Variants in METTL15 observed in about 807,000 individuals in gnomAD.
METTL15 encodes 12S rRNA N(4)-cytidine methyltransferase METTL15.
Under a neutral mutation model 38.3 loss-of-function variants are expected in METTL15, and 34 were observed. That is an observed-to-expected ratio of 0.89 (90% CI 0.68 to 1.18). The LOEUF (loss-of-function observed/expected upper bound fraction) is 1.18, where lower values mean the gene tolerates loss of function less well. Ranked by LOEUF, METTL15 falls within the 50% of genes most tolerant of loss-of-function variation. METTL15 has a pLI of 0.00. For missense variants in METTL15, 438 were observed against 498.4 expected (o/e 0.88, Z 1.15); for synonymous variants, 162 against 170.9 (o/e 0.95, Z 0.41).
At chr11:28,328,769 G>A (rs1371812595) in intron 6 of METTL15, among the ~76,000 whole-genome samples, 3 of 151,982 alleles carry the variant, frequency 2.0e-5, no homozygotes, top group Admixed American at 2.0e-4. Context: ...AAGTAGATGG[G>A]ACATACCTGT....
rs181494431 is a variant in METTL15 at position 28,242,408 on chromosome 11, A to G, written c.407+31210A>G. 5.4e-3 allele frequency among the ~76,000 whole-genome samples: 827 copies of G among 152,290 alleles called. 6 individuals are homozygous for G. Among genetic ancestry groups the G allele is most frequent in the Admixed American group, 0.01 (154 of 15,306 alleles). Reference sequence around the variant, plus strand: ...AGCCCAAATGCATGGTTAGTATGCAAAAATTATTGAGCATGAACTAAAGGG... The same window carrying G: ...AGCCCAAATGCATGGTTAGTATGCAGAAATTATTGAGCATGAACTAAAGGG... On this transcript the variant is annotated intron_variant, in intron 4 of 6. Coordinates refer to ENST00000407364, the MANE Select transcript of METTL15 (RefSeq NM_001113528.2).
intron 5 of METTL15, among the ~76,000 whole-genome samples, chr11:28,377,505 T>C (rs1850330593): frequency 6.6e-6 from 1 of 152,100 alleles, no homozygotes; most frequent in South Asian, 2.1e-4. Context: ...GGTTTTCAGC[T>C]CCATCAGCTC....
chr11:28,490,035 T>C (rs1439481390), intron 6 of METTL15, among the ~76,000 whole-genome samples: 1 of 151,884 alleles, frequency 6.6e-6, no homozygotes, highest in Non-Finnish European at 1.5e-5. Context: ...AGAAGAGGAA[T>C]AGAAGGAGAG....
intron 3 of METTL15, among the ~76,000 whole-genome samples, chr11:28,182,850 A>C (rs1851344746): frequency 6.6e-6 from 1 of 152,024 alleles, no homozygotes; most frequent in East Asian, 1.9e-4. Flanking sequence ...TTTGGGGAGT[A>C]TGGCCATTTT....
In METTL15 at chr11:28,330,878, A is replaced by G. The variant is rs1849798183; in HGVS notation, c.*37A>G. On this transcript the variant is annotated 3_prime_UTR_variant, in exon 7 of 7. Transcript: ENST00000407364. ...CTTATTCTTCAAATTTTTTTCTCAC[A>G]ATTTCTCTAATCTTTACTCATGTTA... The G allele has an allele frequency of 6.9e-7, 1 of 1,456,008 alleles. No individual in the cohort carries two copies. The highest frequency in any genetic ancestry group is 9.2e-7 in the Non-Finnish European group (1 of 1,087,278). 90.2% of individuals were successfully genotyped at this position (1,456,008 alleles called of 1,614,324 possible).
intron 5 of METTL15, among the ~76,000 whole-genome samples, chr11:28,416,565 C>G (rs1393734520): frequency 1.3e-5 from 2 of 152,194 alleles, no homozygotes; most frequent in Non-Finnish European, 2.9e-5. Flanking sequence ...TTGCCTGTAT[C>G]TAAGAGTGAA....
At chr11:28,181,291 G>A (rs1456393364) in intron 3 of METTL15, among the ~76,000 whole-genome samples, 1 of 99,130 alleles carries the variant, frequency 1.0e-5, no homozygotes, top group Non-Finnish European at 2.2e-5. Context: ...AAGTTCTGGG[G>A]TATACATGCA....
intron 5 of METTL15, among the ~76,000 whole-genome samples, chr11:28,362,638 A>G (rs1850149850): frequency 6.6e-6 from 1 of 152,210 alleles, no homozygotes; most frequent in African/African-American, 2.4e-5. Context: ...AATGGTCTTC[A>G]GCTTTATCCA....
intron 3 of METTL15, among the ~76,000 whole-genome samples, chr11:28,158,688 A>T (rs547824801): frequency 1.2e-4 from 19 of 152,326 alleles, no homozygotes; most frequent in African/African-American, 3.8e-4. Context: ...ACGTCATGGT[A>T]TTCCACACGG....
At chr11:28,437,796 A>G (rs569471809) in intron 6 of METTL15, among the ~76,000 whole-genome samples, 1 of 152,244 alleles carries the variant, frequency 6.6e-6, no homozygotes, top group Non-Finnish European at 1.5e-5. Context: ...TGGTTTACAC[A>G]TCATTTGTCT....
At position 28,425,849 on chromosome 11, in the gene METTL15, CA is replaced by C. The variant is rs1392072561; in HGVS notation, c.*424+1487del. ...TATAAAATTGTATGACCAAGATTGG[CA>C]ATATAGCTTTAAGATTGGGTTTTGT... On this transcript the variant is annotated intron_variant and NMD_transcript_variant, in intron 6 of 7. Coordinates refer to the METTL15 transcript ENST00000532947. 1.1e-4 allele frequency among the ~76,000 whole-genome samples: 16 copies of C among 152,292 alleles called. No homozygotes were observed. The East Asian group carries it at 2.3e-3, about 22-fold the overall frequency.
intron 6 of METTL15, among the ~76,000 whole-genome samples, chr11:28,444,741 A>G (rs1303171920): frequency 6.6e-6 from 1 of 152,204 alleles, no homozygotes; most frequent in Non-Finnish European, 1.5e-5. Context: ...TGGCTCTCAT[A>G]AATAATAGTT....
At chr11:28,369,518 G>A (rs770847854) in intron 5 of METTL15, among the ~76,000 whole-genome samples, 2 of 151,944 alleles carry the variant, frequency 1.3e-5, no homozygotes, top group African/African-American at 4.8e-5. Flanking sequence ...CCGTCCAAAG[G>A]CAAAGACAAT....
chr11:28,397,275 A>C lies in METTL15; in HGVS notation c.*359-27024A>C, dbSNP rs1156334799. Among the ~76,000 whole-genome samples, 5 of 151,702 alleles carry C rather than the reference A, an allele frequency of 3.3e-5. No individual in the cohort carries two copies. In the East Asian group the frequency reaches 9.7e-4, roughly 29 times the overall value. On this transcript the variant is annotated intron_variant and NMD_transcript_variant, in intron 5 of 7. Coordinates refer to the METTL15 transcript ENST00000532947. Reference sequence around the variant, plus strand: ...TTGAACTAAAGAGCTTCTGCACAGCAAAAGAAACTACCATCAGAGTGAACA... The same window carrying C: ...TTGAACTAAAGAGCTTCTGCACAGCCAAAGAAACTACCATCAGAGTGAACA...
intron 6 of METTL15, among the ~76,000 whole-genome samples, chr11:28,522,560 A>G (rs1160536775): frequency 6.6e-6 from 1 of 152,206 alleles, no homozygotes; most frequent in Non-Finnish European, 1.5e-5. Context: ...CTCATCCAAA[A>G]ACACCCTCAC....
intron 4 of METTL15, among the ~76,000 whole-genome samples, chr11:28,239,548 T>C (rs554642128): frequency 3.3e-5 from 5 of 152,214 alleles, no homozygotes; most frequent in African/African-American, 7.2e-5. Flanking sequence ...TATAGTGTAT[T>C]ATCAGCCCCA....
chr11:28,164,204 G>A (rs1209380360), intron 3 of METTL15: 3 of 151,916 alleles, frequency 2.0e-5, no homozygotes, highest in Non-Finnish European at 4.4e-5. Flanking sequence ...GCTCACACAC[G>A]TAACGGCTTA....
chr11:28,291,432 G>T (rs1856509888), intron 5 of METTL15, among the ~76,000 whole-genome samples: 1 of 152,098 alleles, frequency 6.6e-6, no homozygotes, highest in Non-Finnish European at 1.5e-5. Flanking sequence ...CCTAGGGAAT[G>T]GACAGCCTAT....
intron 5 of METTL15, among the ~76,000 whole-genome samples, chr11:28,391,014 G>T (rs2133393731): frequency 6.6e-6 from 1 of 152,258 alleles, no homozygotes; most frequent in Admixed American, 6.5e-5. Flanking sequence ...GTTCACTCAT[G>T]ATTTGCCTCG....
Sources: allele counts gnomAD v4.1 joint callset (sites outside exome capture counted in the v4.1 genomes callset), GRCh38; gene constraint gnomAD v4.1.1; transcripts MANE v1.5; gene names NCBI Gene and HGNC (gene_info 2026-07-23, HGNC 2026-07-21).